Variants in SOX6 observed in about 807,000 individuals in gnomAD.
SOX6 encodes SRY-box transcription factor 6.
Under a neutral mutation model 97.8 loss-of-function variants are expected in SOX6, and 11 were observed. That is an observed-to-expected ratio of 0.11 (90% CI 0.07 to 0.19). The LOEUF (loss-of-function observed/expected upper bound fraction) is 0.19, where lower values mean the gene tolerates loss of function less well. Among genes scored for constraint, SOX6 ranks in the 10% least tolerant of loss-of-function variants. SOX6 has a pLI of 1.00. For missense variants in SOX6, 810 were observed against 1,039.5 expected (o/e 0.78, Z 3.04); for synonymous variants, 360 against 371.4 (o/e 0.97, Z 0.35).
chr11:16,543,181 T>C (rs964394053), intron 4 of SOX6, among the ~76,000 whole-genome samples: 3 of 152,154 alleles, frequency 2.0e-5, no homozygotes, highest in Non-Finnish European at 4.4e-5. Context: ...CAAATAGGTG[T>C]GTGCCTTCAT....
intron 9 of SOX6, among the ~76,000 whole-genome samples, chr11:16,064,174 T>C (rs982978840): frequency 5.9e-5 from 9 of 151,626 alleles, no homozygotes; most frequent in Non-Finnish European, 1.2e-4. Context: ...AGAAAACCCC[T>C]AAAAAATTAA....
At chr11:16,294,258 T>C (rs974328653) in intron 3 of SOX6, among the ~76,000 whole-genome samples, 4 of 152,050 alleles carry the variant, frequency 2.6e-5, no homozygotes, top group Admixed American at 2.0e-4. Flanking sequence ...TCATCATTAA[T>C]GTAATAAACA....
chr11:15,989,271 G>A (rs937046087), intron 13 of SOX6, 41 bp from the exon 14 acceptor site: 36 of 1,512,276 alleles, frequency 2.4e-5, no homozygotes, highest in Middle Eastern at 1.8e-4. Context: ...AGTGGAAAGC[G>A]TTATTTTGTG....
chr11:16,571,231 G>A (rs1847934954), intron 4 of SOX6, among the ~76,000 whole-genome samples: 1 of 152,130 alleles, frequency 6.6e-6, no homozygotes, highest in African/African-American at 2.4e-5. Flanking sequence ...AGAACTACAA[G>A]TTGAAATATC....
intron 6 of SOX6, among the ~76,000 whole-genome samples, chr11:16,133,678 G>A (rs1428371470): frequency 6.6e-6 from 1 of 151,838 alleles, no homozygotes; most frequent in Non-Finnish European, 1.5e-5. Flanking sequence ...GTTTTGTTTT[G>A]TTTTGTTTTG....
chr11:16,132,441 G>GAA (rs776478066), intron 6 of SOX6, among the ~76,000 whole-genome samples: 2 of 54,708 alleles, frequency 3.7e-5, no homozygotes, highest in Non-Finnish European at 6.6e-5. Flanking sequence ...AAGAAAGAAA[G>GAA]AAAAAAGAAA....
At chr11:16,670,409 A>G (rs1420284484) in intron 3 of SOX6, among the ~76,000 whole-genome samples, 2 of 152,122 alleles carry the variant, frequency 1.3e-5, no homozygotes, top group Non-Finnish European at 2.9e-5. Flanking sequence ...CACCCCCAGT[A>G]ACAGTGACTC....
intron 3 of SOX6, among the ~76,000 whole-genome samples, chr11:16,683,310 C>T (rs979319943): frequency 2.6e-5 from 4 of 152,150 alleles, no homozygotes; most frequent in Admixed American, 6.6e-5. Flanking sequence ...ATGCTGGAGG[C>T]ATCATGCTAC....
intron 10 of SOX6, among the ~76,000 whole-genome samples, chr11:16,052,733 CAG>C (rs1202583630): frequency 6.6e-6 from 1 of 152,108 alleles, no homozygotes; most frequent in Admixed American, 6.6e-5. Flanking sequence ...TTCTGAGACA[CAG>C]AACAATTTGA....
intron 3 of SOX6, among the ~76,000 whole-genome samples, chr11:16,267,067 A>T (rs1409672948): frequency 2.0e-5 from 3 of 151,642 alleles, no homozygotes. Flanking sequence ...TTTAAACATA[A>T]ACTTGAAACT....
chr11:16,244,375 C>T (rs1853276730), intron 3 of SOX6, among the ~76,000 whole-genome samples: 1 of 151,696 alleles, frequency 6.6e-6, no homozygotes, highest in African/African-American at 2.4e-5. Flanking sequence ...AACATTTTTA[C>T]CTAGTCTACA....
rs148402992 is a variant in SOX6, at chr11:16,331,123, C to T, written c.237+9889G>A. 3.4e-4 allele frequency among the ~76,000 whole-genome samples: 52 copies of T among 152,252 alleles called. No individual in the cohort carries two copies. In the East Asian group the frequency reaches 8.5e-3, roughly 25 times the overall value. ...TTACTCTGGTGTCAGGTCAATCTTC[C>T]TCATGCTCTCCTCCTCTGCAGTTGT... On this transcript the variant is annotated intron_variant, in intron 2 of 15. Transcript: ENST00000683767.
chr11:16,147,891 G>A (rs987258977), intron 6 of SOX6, among the ~76,000 whole-genome samples: 2 of 152,144 alleles, frequency 1.3e-5, no homozygotes, highest in African/African-American at 4.8e-5. Context: ...CTGTACACCA[G>A]AAATACAGCC....
intron 13 of SOX6, among the ~76,000 whole-genome samples, chr11:15,990,758 A>G (rs988593503): frequency 6.6e-6 from 1 of 152,220 alleles, no homozygotes; most frequent in Non-Finnish European, 1.5e-5. Flanking sequence ...GCATAACAGG[A>G]AAGTCTACGC....
chr11:16,046,302 G>A (rs1030759103), intron 12 of SOX6, among the ~76,000 whole-genome samples: 3 of 152,130 alleles, frequency 2.0e-5, no homozygotes, highest in Admixed American at 2.0e-4. Context: ...TAGGTTGGGA[G>A]GCAACTTACA....
chr11:16,377,874 T>C (rs1857686008), intron 1 of SOX6, among the ~76,000 whole-genome samples: 1 of 152,154 alleles, frequency 6.6e-6, no homozygotes, highest in South Asian at 2.1e-4. Flanking sequence ...AACTGCATCT[T>C]ACCATGAGGA....
intron 4 of SOX6, among the ~76,000 whole-genome samples, chr11:16,205,397 T>A (rs1187497083): frequency 6.6e-6 from 1 of 152,148 alleles, no homozygotes; most frequent in Non-Finnish European, 1.5e-5. Flanking sequence ...CATTTGCCCA[T>A]GTATTTGAAA....
At chr11:16,561,886 A>T (rs1389701668) in intron 4 of SOX6, among the ~76,000 whole-genome samples, 1 of 130,980 alleles carries the variant, frequency 7.6e-6, no homozygotes, top group East Asian at 3.5e-4. Flanking sequence ...ACATCACCAC[A>T]CCTGGCTAAT....
chr11:16,733,583 G>A (rs1357314481), intron 2 of SOX6, among the ~76,000 whole-genome samples: 2 of 150,942 alleles, frequency 1.3e-5, no homozygotes, highest in African/African-American at 2.4e-5. Context: ...TGTTGGGGGT[G>A]GGGGGCTAGG....
Sources: allele counts gnomAD v4.1 joint callset (sites outside exome capture counted in the v4.1 genomes callset), GRCh38; gene constraint gnomAD v4.1.1; transcripts MANE v1.5; gene names NCBI Gene and HGNC (gene_info 2026-07-23, HGNC 2026-07-21).